Variants in PRKAG2 observed in about 807,000 individuals in gnomAD.
The protein encoded by PRKAG2 is protein kinase AMP-activated non-catalytic subunit gamma 2.
A neutral mutation model predicts 69.6 loss-of-function variants in PRKAG2; 26 were observed. That is an observed-to-expected ratio of 0.37 (90% confidence interval 0.27 to 0.52). PRKAG2 has a LOEUF of 0.52. Among genes scored for constraint, PRKAG2 ranks in the 20% least tolerant of loss-of-function variants. The pLI is 0.90. For missense variants in PRKAG2, 557 were observed against 740.0 expected (o/e 0.75, Z 2.87); for synonymous variants, 293 against 285.0 (o/e 1.03, Z -0.28).
Position 151,825,162 on chromosome 7 carries a change from T to C in PRKAG2, c.115-38621A>G, listed in dbSNP as rs954747702. Among the ~76,000 whole-genome samples, 25 of 152,148 alleles carry C rather than the reference T, an allele frequency of 1.6e-4. 1 individual carries two copies. The highest frequency in any genetic ancestry group is 6.0e-4 in the African/African-American group (25 of 41,434). On this transcript the variant is annotated intron_variant, in intron 1 of 15. Transcript: ENST00000287878. ...CCAGGAGGTAGAGGTTGCAGTGAGC[T>C]GAGATCGTGCCATTGTACTCCAGCC...
chr7:151,726,969 G>A lies in PRKAG2; in HGVS notation c.467-51332C>T, dbSNP rs1244702561. Among the ~76,000 whole-genome samples the A allele has an allele frequency of 3.9e-5, 6 of 152,010 alleles. 2 individuals are homozygous for A. In the South Asian group the frequency reaches 8.4e-4, roughly 21 times the overall value. On this transcript the variant is annotated intron_variant, in intron 3 of 15. Transcript: ENST00000287878. Reference sequence around the variant, plus strand: ...GGTGGCTCACACCTGTAATCCCAGCGCTTTGGGAGGCCAAGGCGGGCGGAT... The same window carrying A: ...GGTGGCTCACACCTGTAATCCCAGCACTTTGGGAGGCCAAGGCGGGCGGAT...
intron 1 of PRKAG2, among the ~76,000 whole-genome samples, chr7:151,870,480 T>C (rs1358406594): frequency 6.6e-6 from 1 of 152,190 alleles, no homozygotes; most frequent in Non-Finnish European, 1.5e-5. Context: ...ATCCAGCAAA[T>C]CTTGCTCAGG....
intron 4 of PRKAG2, among the ~76,000 whole-genome samples, chr7:151,670,089 TACCTGCATGCACATAC>T (rs1223656858): frequency 8.3e-4 from 86 of 103,030 alleles, no homozygotes; most frequent in African/African-American, 3.2e-3. Context: ...CATGCACACA[TACCTGCATGCACATAC>T]ACCTGCATGC....
At chr7:151,610,836 C>T (rs1350922725) in intron 5 of PRKAG2, among the ~76,000 whole-genome samples, 1 of 145,036 alleles carries the variant, frequency 6.9e-6, no homozygotes, top group Non-Finnish European at 1.5e-5. Context: ...GGTGCAACCT[C>T]CATCTCCTGG....
intron 3 of PRKAG2, among the ~76,000 whole-genome samples, chr7:151,726,200 G>T (rs1349959185): frequency 6.6e-6 from 1 of 152,110 alleles, no homozygotes; most frequent in Non-Finnish European, 1.5e-5. Context: ...CAGAGGAACC[G>T]AGGGCTTCAG....
Position 151,583,181 on chromosome 7 carries a change from C to G in PRKAG2, c.865-6729G>C, listed in dbSNP as rs934821952. Reference sequence around the variant, plus strand: ...GATCACAGGCATATGCCACCATGCTCAGCTAATTTTTAAATCTTTTTGTAG... The same window carrying G: ...GATCACAGGCATATGCCACCATGCTGAGCTAATTTTTAAATCTTTTTGTAG... On this transcript the variant is annotated intron_variant, in intron 6 of 15. Transcript: ENST00000287878. The surrounding 1 kb of genome is among the most constrained non-coding windows in gnomAD (Gnocchi z 4.1). Among the ~76,000 whole-genome samples, 4 of 152,158 alleles carry G rather than the reference C, an allele frequency of 2.6e-5. No homozygotes were observed. The highest frequency in any genetic ancestry group is 3.2e-3 in the Middle Eastern group (1 of 316).
At chr7:151,712,200 C>A (rs1018864635) in intron 3 of PRKAG2, among the ~76,000 whole-genome samples, 36 of 152,368 alleles carry the variant, frequency 2.4e-4, no homozygotes, top group African/African-American at 8.4e-4. Flanking sequence ...GGCACCCAGC[C>A]TCCGCCCGAC....
chr7:151,773,098 G>T, intron 3 of PRKAG2, among the ~76,000 whole-genome samples: 1 of 102,766 alleles, frequency 9.7e-6, no homozygotes, highest in East Asian at 2.3e-4. Flanking sequence ...AGGGAGGGAA[G>T]GGAAGGGAAG....
At chr7:151,660,525 T>C (rs536541845) in intron 4 of PRKAG2, among the ~76,000 whole-genome samples, 2 of 152,398 alleles carry the variant, frequency 1.3e-5, no homozygotes, top group East Asian at 1.9e-4. Context: ...TTGTTTACTA[T>C]ATTAGAACCA....
intron 4 of PRKAG2, among the ~76,000 whole-genome samples, chr7:151,652,380 A>G (rs1240123433): frequency 6.6e-6 from 1 of 152,248 alleles, no homozygotes; most frequent in African/African-American, 2.4e-5. Context: ...CCCAGACATG[A>G]AAAAGCTTTG....
intron 6 of PRKAG2, among the ~76,000 whole-genome samples, chr7:151,590,319 TC>T (rs1812748568): frequency 6.6e-6 from 1 of 152,220 alleles, no homozygotes; most frequent in African/African-American, 2.4e-5. Context: ...AGAGTCTATT[TC>T]TTGTAGCTAC....
intron 3 of PRKAG2, among the ~76,000 whole-genome samples, chr7:151,758,953 C>T (rs1317422189): frequency 6.6e-6 from 1 of 152,124 alleles, no homozygotes; most frequent in African/African-American, 2.4e-5. Flanking sequence ...TGCAGGGACC[C>T]CTCACTGCTC....
At chr7:151,808,540 C>T (rs951507190) in intron 1 of PRKAG2, among the ~76,000 whole-genome samples, 4 of 151,938 alleles carry the variant, frequency 2.6e-5, no homozygotes, top group Admixed American at 6.6e-5. Flanking sequence ...AGTCAGCAGA[C>T]GGGCGAGACC....
chr7:151,588,009 A>C (rs1812104323), intron 6 of PRKAG2, among the ~76,000 whole-genome samples: 1 of 151,554 alleles, frequency 6.6e-6, no homozygotes. Context: ...AACTCTTATA[A>C]AACACTTGTT....
chr7:151,604,551 G>A (rs777670248), intron 5 of PRKAG2, among the ~76,000 whole-genome samples: 27 of 151,990 alleles, frequency 1.8e-4, no homozygotes, highest in Admixed American at 3.3e-4. Flanking sequence ...AGGTGGGAGG[G>A]TCTCTTGAGC....
intron 1 of PRKAG2, among the ~76,000 whole-genome samples, chr7:151,852,615 C>T (rs2079599623): frequency 6.6e-6 from 1 of 152,008 alleles, no homozygotes; most frequent in African/African-American, 2.4e-5. Flanking sequence ...TTAATGGGGC[C>T]CTGAGAAGCC....
intron 1 of PRKAG2, among the ~76,000 whole-genome samples, chr7:151,853,674 G>A (rs1198914464): frequency 6.6e-6 from 1 of 150,926 alleles, no homozygotes; most frequent in Non-Finnish European, 1.5e-5. Flanking sequence ...GCAGGAGAAT[G>A]GCGTGAACCC....
chr7:151,632,155 G>T lies in PRKAG2; in HGVS notation c.685-17C>A. On this transcript the variant is annotated splice_polypyrimidine_tract_variant and intron_variant, in intron 4 of 15. Coordinates refer to ENST00000287878, the MANE Select transcript of PRKAG2 (RefSeq NM_016203.4). This position sits in a 1 kb window ranked among gnomAD's most constrained non-coding sequence, Gnocchi z 4.2. ...CAGCGCCGCCTGAGGGGGAGGAGGA[G>T]GACAGCGATCAGCATGAGCTGCGAC... 1 of 1,373,088 alleles carries T rather than the reference G, an allele frequency of 7.3e-7. No homozygotes were observed. The highest frequency in any genetic ancestry group is 1.6e-5 in the South Asian group (1 of 64,210). The allele number at this position is 1,373,088 out of a possible 1,614,324, so 85.1% of individuals were successfully genotyped here. A position where few individuals can be genotyped will look rare whatever the true frequency, so the allele number is the denominator to read the frequency against.
chr7:151,799,466 T>C (rs1021835092), intron 1 of PRKAG2, among the ~76,000 whole-genome samples: 2 of 152,232 alleles, frequency 1.3e-5, no homozygotes, highest in African/African-American at 4.8e-5. Flanking sequence ...ATGAAGCCAC[T>C]TGGGTTCTGC....
Sources: allele counts gnomAD v4.1 joint callset (sites outside exome capture counted in the v4.1 genomes callset), GRCh38; gene constraint gnomAD v4.1.1; non-coding constraint Gnocchi (gnomAD v3.1); transcripts MANE v1.5; gene names NCBI Gene and HGNC (gene_info 2026-07-23, HGNC 2026-07-21).